The following ESRRG variants were observed in gnomAD, a reference collection of about 807,000 sequenced individuals.
The protein encoded by ESRRG is estrogen-related receptor gamma.
ESRRG carries 13 observed loss-of-function variants against 44.0 expected under a neutral mutation model. The ratio of observed to expected loss-of-function variants is 0.30; its 90% CI spans 0.19 to 0.47. The LOEUF is 0.47. Among genes scored for constraint, ESRRG ranks in the 20% least tolerant of loss-of-function variants. The pLI, the probability that ESRRG is intolerant of heterozygous loss-of-function variation, is 1.00. For missense variants in ESRRG, 395 were observed against 580.6 expected, an observed-to-expected ratio of 0.68 and a Z score of 3.29; for synonymous variants, 215 against 214.6, an observed-to-expected ratio of 1.00 and a Z score of -0.02.
At chr1:216,830,781 C>T (rs538544692) in intron 2 of ESRRG, among the ~76,000 whole-genome samples, 4 of 151,634 alleles carry the variant, frequency 2.6e-5, no homozygotes, top group African/African-American at 7.3e-5. Flanking sequence ...AATAACTGTT[C>T]GATCCTCAGA....
chr1:217,051,573 A>G (rs2086049369), intron 1 of ESRRG, among the ~76,000 whole-genome samples: 1 of 152,192 alleles, frequency 6.6e-6, no homozygotes, highest in Non-Finnish European at 1.5e-5. Flanking sequence ...GCCATCCTTT[A>G]CTTATGTTTC....
intron 2 of ESRRG, among the ~76,000 whole-genome samples, chr1:216,768,912 C>A (rs1469377971): frequency 6.6e-6 from 1 of 152,068 alleles, no homozygotes; most frequent in East Asian, 1.9e-4. Flanking sequence ...AAATCCCCCC[C>A]ATATATATGG....
intron 2 of ESRRG, among the ~76,000 whole-genome samples, chr1:216,802,337 G>T (rs1356507487): frequency 6.6e-6 from 1 of 152,058 alleles, no homozygotes; most frequent in Non-Finnish European, 1.5e-5. Context: ...GGTCAAACTG[G>T]GTATTTTTAG....
chr1:216,582,385 T>C (rs1405860970), intron 3 of ESRRG, among the ~76,000 whole-genome samples: 4 of 152,174 alleles, frequency 2.6e-5, no homozygotes, highest in Non-Finnish European at 5.9e-5. Flanking sequence ...CTAAATGTTT[T>C]CATGCTCTGA....
chr1:216,750,737 C>A (rs949835035), intron 2 of ESRRG, among the ~76,000 whole-genome samples: 1 of 147,672 alleles, frequency 6.8e-6, no homozygotes, highest in Non-Finnish European at 1.5e-5. Context: ...TGATACAGTT[C>A]TTCACTAAAG....
chr1:216,581,892 C>A (rs1202075784), intron 3 of ESRRG, among the ~76,000 whole-genome samples: 1 of 152,194 alleles, frequency 6.6e-6, no homozygotes, highest in East Asian at 1.9e-4. Context: ...AATTGTGTGG[C>A]CCTCAGGCCA....
chr1:216,899,960 T>A (rs1055977629), intron 2 of ESRRG, among the ~76,000 whole-genome samples: 6 of 152,186 alleles, frequency 3.9e-5, no homozygotes, highest in Non-Finnish European at 8.8e-5. Flanking sequence ...GTCTTATGCA[T>A]AAGGCTTGTA....
chr1:216,748,826 G>T (rs2091704740), intron 2 of ESRRG, among the ~76,000 whole-genome samples: 1 of 152,110 alleles, frequency 6.6e-6, no homozygotes, highest in South Asian at 2.1e-4. Flanking sequence ...TCTCCATCTA[G>T]AAATAATCTC....
chr1:216,914,175 T>C (rs777418547), intron 2 of ESRRG, among the ~76,000 whole-genome samples: 9 of 152,068 alleles, frequency 5.9e-5, no homozygotes, highest in Non-Finnish European at 1.2e-4. Flanking sequence ...CAGCTGAAGA[T>C]AAAGCGAATC....
chr1:216,626,927 T>G (rs1015969131), intron 3 of ESRRG, among the ~76,000 whole-genome samples: 28 of 152,200 alleles, frequency 1.8e-4, no homozygotes, highest in African/African-American at 6.0e-4. Flanking sequence ...CTAAGGTTTA[T>G]TTTTCTCTAT....
At chr1:217,021,046 G>GCACACA (rs1207335055) in intron 1 of ESRRG, among the ~76,000 whole-genome samples, 5 of 65,538 alleles carry the variant, frequency 7.6e-5, no homozygotes, top group African/African-American at 3.1e-4. Context: ...ACCCTGCCAT[G>GCACACA]CATACACACA....
intron 1 of ESRRG, among the ~76,000 whole-genome samples, chr1:217,002,232 G>T (rs1418098167): frequency 6.6e-6 from 1 of 150,678 alleles, no homozygotes; most frequent in Non-Finnish European, 1.5e-5. Context: ...AACCCAGGAG[G>T]CAGAGCTGGC....
intron 2 of ESRRG, among the ~76,000 whole-genome samples, chr1:216,910,381 T>C (rs984103934): frequency 6.6e-6 from 1 of 152,150 alleles, no homozygotes; most frequent in Middle Eastern, 3.2e-3. Context: ...CCACTAATTA[T>C]TTTTAGGATT....
chr1:216,746,957 C>A (rs2091469788), intron 2 of ESRRG, among the ~76,000 whole-genome samples: 1 of 152,068 alleles, frequency 6.6e-6, no homozygotes, highest in African/African-American at 2.4e-5. Flanking sequence ...ATTCAAAAGA[C>A]CTTAGATTAT....
intron 1 of ESRRG, among the ~76,000 whole-genome samples, chr1:217,108,529 A>G (rs1422398784): frequency 6.6e-6 from 1 of 152,040 alleles, no homozygotes; most frequent in Non-Finnish European, 1.5e-5. Flanking sequence ...GCTTGGTGTG[A>G]GGTGATTGGA....
Position 217,012,366 on chromosome 1 carries a change from A to T in ESRRG, c.-105-72693T>A, listed in dbSNP as rs144328074. Among the ~76,000 whole-genome samples, 194 of 152,354 alleles carry T rather than the reference A, an allele frequency of 1.3e-3. 1 individual carries two copies. The highest frequency in any genetic ancestry group is 2.4e-3 in the Non-Finnish European group (166 of 68,028). The stretch of plus-strand genomic sequence containing the variant: ...ATAATAAAAATGATAAGATGTGATC[A>T]CAGGGACCCCAAACTCTCAATGCAT... On this transcript the variant is annotated intron_variant, in intron 1 of 7. Transcript: ENST00000359162.
chr1:217,116,461 C>T (rs749101943), intron 1 of ESRRG, among the ~76,000 whole-genome samples: 3 of 152,204 alleles, frequency 2.0e-5, no homozygotes, highest in Admixed American at 6.5e-5. Context: ...AAGATGCCTA[C>T]TTGAAATACA....
chr1:216,806,408 G>A (rs1012246705), intron 2 of ESRRG, among the ~76,000 whole-genome samples: 1 of 152,280 alleles, frequency 6.6e-6, no homozygotes. Context: ...ATTAGCTTGA[G>A]TTTGGGAAGG....
chr1:216,756,225 C>T (rs1294974355), intron 2 of ESRRG, among the ~76,000 whole-genome samples: 1 of 151,936 alleles, frequency 6.6e-6, no homozygotes, highest in Non-Finnish European at 1.5e-5. Flanking sequence ...CCAATCTCAT[C>T]AAAACCAAAC....
Sources: allele counts gnomAD v4.1 joint callset (sites outside exome capture counted in the v4.1 genomes callset), GRCh38; gene constraint gnomAD v4.1.1; transcripts MANE v1.5; gene names NCBI Gene and HGNC (gene_info 2026-07-23, HGNC 2026-07-21).